ASAP1: variants seen among roughly 807,000 people sequenced by gnomAD.
ASAP1 encodes the protein ArfGAP with SH3 domain, ankyrin repeat and PH domain 1.
Under a neutral mutation model 145.2 loss-of-function variants are expected in ASAP1, and 43 were observed. That is an observed-to-expected ratio of 0.30 (90% CI 0.23 to 0.38). The LOEUF is 0.38. Among genes scored for constraint, ASAP1 ranks in the 10% least tolerant of loss-of-function variants. The pLI, the probability that ASAP1 is intolerant of heterozygous loss-of-function variation, is 1.00. For missense variants in ASAP1, 1,018 were observed against 1,355.3 expected (o/e 0.75, Z 3.91); for synonymous variants, 546 against 515.5 (o/e 1.06, Z -0.80).
chr8:130,350,640 A>C (rs1565234826), intron 3 of ASAP1, among the ~76,000 whole-genome samples: 2 of 152,172 alleles, frequency 1.3e-5, no homozygotes, highest in Non-Finnish European at 2.9e-5. Flanking sequence ...GTGTCCACTA[A>C]TTTTTCCACA....
chr8:130,308,784 G>A (rs1823146516), intron 3 of ASAP1, among the ~76,000 whole-genome samples: 1 of 152,168 alleles, frequency 6.6e-6, no homozygotes, highest in African/African-American at 2.4e-5. Flanking sequence ...GCTTACACCT[G>A]TAATCCCACC....
In ASAP1 at chr8:130,421,504, T is replaced by A. The variant is rs180820525; in HGVS notation, c.-27-19534A>T. On this transcript the variant is annotated intron_variant, in intron 1 of 29. Transcript: ENST00000518721. ...ATGTGTCAGACTTCTAGCTAAGGAA[T>A]GAGATAGAAATGTTGCATGCCATTC... Among the ~76,000 whole-genome samples the A allele has an allele frequency of 2.8e-3, 434 of 152,316 alleles. 1 individual carries two copies. Among genetic ancestry groups the A allele is most frequent in the Non-Finnish European group, 4.1e-3 (280 of 68,024 alleles).
At chr8:130,409,021 G>A (rs1829151927) in intron 1 of ASAP1, among the ~76,000 whole-genome samples, 1 of 152,152 alleles carries the variant, frequency 6.6e-6, no homozygotes, top group African/African-American at 2.4e-5. Flanking sequence ...CAGCACTTTG[G>A]GAGGCCAAGG....
chr8:130,188,723 CAA>C (rs370580190), intron 5 of ASAP1, among the ~76,000 whole-genome samples: 185 of 83,836 alleles, frequency 2.2e-3, no homozygotes, highest in African/African-American at 4.0e-3. Context: ...GAGACTCTCT[CAA>C]AAAAAAAAAA....
Position 130,357,208 on chromosome 8 carries a change from C to T in ASAP1, c.186+809G>A, listed in dbSNP as rs546064789. Among the ~76,000 whole-genome samples the T allele has an allele frequency of 3.2e-4, 48 of 152,240 alleles. No individual in the cohort carries two copies. In the East Asian group the frequency reaches 8.7e-3, roughly 28 times the overall value. On this transcript the variant is annotated intron_variant, in intron 3 of 29. Coordinates refer to ENST00000518721, the MANE Select transcript of ASAP1 (RefSeq NM_018482.4). ...ATTTGGCCTTGGCCCTGCCCCCCAC[C>T]CCCCACCAGCAACGCTTTCCTGAAG...
intron 12 of ASAP1, among the ~76,000 whole-genome samples, chr8:130,157,316 C>T (rs2097660011): frequency 6.6e-6 from 1 of 152,164 alleles, no homozygotes; most frequent in Non-Finnish European, 1.5e-5. Context: ...TACAATGAGC[C>T]AGATGCTGGA....
At position 130,358,032 on chromosome 8, in the gene ASAP1, G is replaced by A. The variant is rs1446663325; in HGVS notation, c.171C>T (p.Val57=). The part of the protein sequence containing the change: ...TTRLHNCRNT[V]TLLEEALDQD... ...CCCGACCTACCTCCTCCAGCAGCGT[G>A]ACGGTGTTCCTGCAGTTGTGCAGCC... is the stretch of plus-strand genomic sequence containing the variant. The change falls in exon 3 of 30, where the codon GTC becomes GTT. Residue 57 remains valine, a synonymous_variant. Transcript: ENST00000518721. This position sits in a 1 kb window ranked among gnomAD's most constrained non-coding sequence, Gnocchi z 4.1. 12 of 1,609,202 alleles carry A rather than the reference G, an allele frequency of 7.5e-6. No homozygotes were observed. The highest frequency in any genetic ancestry group is 1.0e-5 in the Non-Finnish European group (12 of 1,178,572).
At position 130,274,107 on chromosome 8, in the gene ASAP1, T is replaced by TCA. The variant is rs138970857; in HGVS notation, c.187-37115_187-37114dup. The stretch of plus-strand genomic sequence containing the variant: ...CCTTTAGAATGTAAAAGTCTATGAC[T>TCA]CACAATACCTTATATAATCATTTTT... On this transcript the variant is annotated intron_variant, in intron 3 of 29. Coordinates refer to ENST00000518721, the MANE Select transcript of ASAP1 (RefSeq NM_018482.4). 3.1e-3 allele frequency among the ~76,000 whole-genome samples: 469 copies of TCA among 152,334 alleles called. 1 individual carries two copies. Among genetic ancestry groups the TCA allele is most frequent in the African/African-American group, 0.011 (452 of 41,568 alleles).
intron 9 of ASAP1, 130 bp from the exon 10 acceptor site, chr8:130,169,197 T>C: frequency 1.9e-6 from 1 of 516,160 alleles, no homozygotes; most frequent in Non-Finnish European, 3.5e-6. Flanking sequence ...TGTATATATA[T>C]ACTCATTCTC....
chr8:130,258,928 T>C (rs984320680), intron 3 of ASAP1, among the ~76,000 whole-genome samples: 1 of 152,186 alleles, frequency 6.6e-6, no homozygotes, highest in Non-Finnish European at 1.5e-5. Flanking sequence ...CTCCCCAATT[T>C]TGGGGCAAGT....
At chr8:130,405,554 T>G (rs1208211385) in intron 1 of ASAP1, among the ~76,000 whole-genome samples, 1 of 152,178 alleles carries the variant, frequency 6.6e-6, no homozygotes, top group East Asian at 1.9e-4. Context: ...TCCACCCCTA[T>G]GGAGAGCTTC....
intron 13 of ASAP1, 146 bp downstream of exon 13, chr8:130,152,590 C>CT (rs78606256): frequency 0.053 from 22,024 of 414,996 alleles, 73 homozygotes; most frequent in Middle Eastern, 0.063. Context: ...CAAGATAAAA[C>CT]TTTTTTTTTT....
At chr8:130,169,670 A>G (rs900202668) in intron 9 of ASAP1, among the ~76,000 whole-genome samples, 15 of 152,234 alleles carry the variant, frequency 9.9e-5, no homozygotes, top group African/African-American at 3.4e-4. Flanking sequence ...ACAAGAATTA[A>G]TATCTGTGGA....
intron 2 of ASAP1, among the ~76,000 whole-genome samples, chr8:130,375,465 C>CT (rs774743620): frequency 4.0e-5 from 6 of 151,238 alleles, no homozygotes; most frequent in Admixed American, 6.6e-5. Context: ...GAGGCTGAGG[C>CT]TGAAGGACTG....
At chr8:130,310,157 A>AGGGGG (rs1823252820) in intron 3 of ASAP1, among the ~76,000 whole-genome samples, 1 of 47,528 alleles carries the variant, frequency 2.1e-5, no homozygotes, top group Non-Finnish European at 4.4e-5. Flanking sequence ...GAGGGGGGTG[A>AGGGGG]GGGGAGGGGA....
In ASAP1 at chr8:130,248,105, T is replaced by C. The variant is rs77444039; in HGVS notation, c.187-11111A>G. Among the ~76,000 whole-genome samples, 269 of 152,032 alleles carry C rather than the reference T, an allele frequency of 1.8e-3. 1 individual carries two copies. The highest frequency in any genetic ancestry group is 0.01 in the Middle Eastern group (3 of 294). On this transcript the variant is annotated intron_variant, in intron 3 of 29. Coordinates refer to ENST00000518721, the MANE Select transcript of ASAP1 (RefSeq NM_018482.4). Reference sequence around the variant, plus strand: ...CTATCTGTGGCATCAGGAAAGAAAATAGGAGCTTACTTATCAAAGAGGAAT... The same window carrying C: ...CTATCTGTGGCATCAGGAAAGAAAACAGGAGCTTACTTATCAAAGAGGAAT...
At chr8:130,153,810 G>T (rs1379981860) in intron 12 of ASAP1, among the ~76,000 whole-genome samples, 1 of 152,124 alleles carries the variant, frequency 6.6e-6, no homozygotes, top group Non-Finnish European at 1.5e-5. Flanking sequence ...GTTGGGGGTG[G>T]TGTTAATTAA....
intron 2 of ASAP1, among the ~76,000 whole-genome samples, chr8:130,374,464 G>A (rs1046865249): frequency 6.6e-6 from 1 of 152,160 alleles, no homozygotes; most frequent in Non-Finnish European, 1.5e-5. Context: ...GAGCCCAAAA[G>A]TTCAAGACTA....
chr8:130,158,407 C>T (rs1208859332), intron 12 of ASAP1, among the ~76,000 whole-genome samples: 3 of 151,396 alleles, frequency 2.0e-5, no homozygotes, highest in African/African-American at 7.3e-5. Context: ...CCCAGCTACT[C>T]AGGAGGCTGA....
Sources: allele counts gnomAD v4.1 joint callset (sites outside exome capture counted in the v4.1 genomes callset), GRCh38; gene constraint gnomAD v4.1.1; non-coding constraint Gnocchi (gnomAD v3.1); transcripts MANE v1.5; gene names NCBI Gene and HGNC (gene_info 2026-07-23, HGNC 2026-07-21).